Variants in GLE1 observed in about 807,000 individuals in gnomAD.
The protein encoded by GLE1 is mRNA export factor GLE1.
Under a neutral mutation model 97.3 loss-of-function variants are expected in GLE1, and 78 were observed. The ratio of observed to expected loss-of-function variants is 0.80; its 90% CI spans 0.67 to 0.97. The LOEUF (loss-of-function observed/expected upper bound fraction) is 0.97, where lower values mean the gene tolerates loss of function less well. Among genes scored for constraint, GLE1 ranks in the 50% least tolerant of loss-of-function variants. GLE1 has a pLI of 0.00. For missense variants in GLE1, 753 were observed against 857.5 expected (o/e 0.88, Z 1.52); for synonymous variants, 302 against 313.4 (o/e 0.96, Z 0.39).
intron 6 of GLE1, 88 bp from the exon 7 acceptor site, chr9:128,525,104 A>G: frequency 1.1e-6 from 1 of 942,276 alleles, no homozygotes. Context: ...TGGTGCAACA[A>G]TTCCAATTGC....
chr9:128,530,460 T>C (rs80249276), intron 9 of GLE1, among the ~76,000 whole-genome samples: 1 of 152,174 alleles, frequency 6.6e-6, no homozygotes, highest in African/African-American at 2.4e-5. Flanking sequence ...TTGCCTTTTT[T>C]AATTTTTCTA....
At chr9:128,505,302 A>T (rs1846608941) in intron 1 of GLE1, among the ~76,000 whole-genome samples, 2 of 152,098 alleles carry the variant, frequency 1.3e-5, no homozygotes, top group African/African-American at 4.8e-5. Context: ...GAAATGACCA[A>T]ATTTTTAGAT....
chr9:128,539,497 C>A, intron 13 of GLE1, 119 bp from the exon 14 acceptor site: 1 of 794,410 alleles, frequency 1.3e-6, no homozygotes, highest in Non-Finnish European at 2.2e-6. Flanking sequence ...AGTTCAGTGG[C>A]ATTGTGGTTG....
chr9:128,504,699 T>TG, upstream of GLE1: 6 of 817,490 alleles, frequency 7.3e-6, no homozygotes, highest in Middle Eastern at 9.6e-4. Flanking sequence ...GGGGCTGTGC[T>TG]GCGCGCGCGT....
rs1564162894 is a variant in GLE1, at chr9:128,542,161, C to G, written c.*991C>G. 6.6e-6 allele frequency: 1 copy of G among 152,226 alleles called. No homozygotes were observed. The highest frequency in any genetic ancestry group is 1.5e-5 in the Non-Finnish European group (1 of 68,044). The allele number at this position is 152,226 out of a possible 1,614,324, so 9.4% of individuals were successfully genotyped here. On this transcript the variant is annotated 3_prime_UTR_variant, in exon 16 of 16. Coordinates refer to ENST00000309971, the MANE Select transcript of GLE1 (RefSeq NM_001003722.2). ...GGATCTGTTCCTCTGTGCTAAATGT[C>G]TTGTGGCAGGGTGTGTTTGTGGGGG... is the stretch of plus-strand genomic sequence containing the variant.
chr9:128,516,977 A>G (rs1294898500), intron 3 of GLE1, among the ~76,000 whole-genome samples: 1 of 151,854 alleles, frequency 6.6e-6, no homozygotes, highest in Non-Finnish European at 1.5e-5. Context: ...AAAATGTTTC[A>G]GAGTACAGGA....
rs1847880728 is a variant in GLE1, at chr9:128,541,436, A to T, written c.*266A>T. ...TCTTGTTTTTTGCAAAAGTGATAAA[A>T]GGTCTTTAGCACTTGGTCTCCTCCC... On this transcript the variant is annotated 3_prime_UTR_variant, in exon 16 of 16. Coordinates refer to ENST00000309971, the MANE Select transcript of GLE1 (RefSeq NM_001003722.2). 4.0e-6 allele frequency: 2 copies of T among 496,082 alleles called. No individual in the cohort carries two copies. Among genetic ancestry groups the T allele is most frequent in the Middle Eastern group, 5.7e-4 (1 of 1,758 alleles). 30.7% of individuals were successfully genotyped at this position (496,082 alleles called of 1,614,324 possible).
At chr9:128,522,125 A>G (rs540147312) in intron 3 of GLE1, among the ~76,000 whole-genome samples, 1 of 152,318 alleles carries the variant, frequency 6.6e-6, no homozygotes, top group East Asian at 1.9e-4. Flanking sequence ...GTTTGATGTC[A>G]TGTTGCTAAA....
At chr9:128,508,839 A>G in intron 1 of GLE1, 37 bp from the exon 2 acceptor site, 1 of 1,141,260 alleles carries the variant, frequency 8.8e-7, no homozygotes, top group South Asian at 1.2e-5. Context: ...AGAACAGTTG[A>G]CGTGTAAGTT....
intron 14 of GLE1, chr9:128,539,962 AT>A: frequency 1.1e-6 from 1 of 931,918 alleles, no homozygotes; most frequent in Non-Finnish European, 1.5e-6. Flanking sequence ...AATTATGCCT[AT>A]AATTGCAGCT....
chr9:128,522,941 A>G, intron 4 of GLE1, 125 bp downstream of exon 4: 1 of 1,139,350 alleles, frequency 8.8e-7, no homozygotes, highest in Non-Finnish European at 1.3e-6. Context: ...TAAAATAGGC[A>G]GAGAATTTTA....
At chr9:128,515,299 C>T (rs778864891) in intron 2 of GLE1, among the ~76,000 whole-genome samples, 3 of 151,888 alleles carry the variant, frequency 2.0e-5, no homozygotes, top group Non-Finnish European at 4.4e-5. Context: ...ATAGAAAAAC[C>T]CAAAAAATCA....
chr9:128,538,688 G>A (rs1300514792), intron 13 of GLE1, among the ~76,000 whole-genome samples: 2 of 152,112 alleles, frequency 1.3e-5, no homozygotes, highest in East Asian at 3.9e-4. Flanking sequence ...CCCAGCTACC[G>A]AGGAGGCTGA....
intron 7 of GLE1, 113 bp from the exon 8 acceptor site, chr9:128,527,066 T>G (rs1564152456): frequency 2.8e-6 from 2 of 714,490 alleles, no homozygotes; most frequent in South Asian, 3.0e-5. Flanking sequence ...TTCATAGTTA[T>G]GGTGACAGTT....
chr9:128,536,528 C>T (rs1847716338), intron 12 of GLE1, 44 bp downstream of exon 12: 1 of 1,547,120 alleles, frequency 6.5e-7, no homozygotes, highest in Non-Finnish European at 8.9e-7. Flanking sequence ...GGTTAGACCA[C>T]AGTCCATGTG....
intron 1 of GLE1, among the ~76,000 whole-genome samples, chr9:128,505,354 G>T (rs1451119809): frequency 6.6e-6 from 1 of 152,184 alleles, no homozygotes; most frequent in Non-Finnish European, 1.5e-5. Flanking sequence ...CGTGGTCACC[G>T]TACCTAGCAT....
chr9:128,516,737 G>T (rs1473842883), intron 3 of GLE1, among the ~76,000 whole-genome samples: 1 of 151,894 alleles, frequency 6.6e-6, no homozygotes, highest in Non-Finnish European at 1.5e-5. Context: ...CAATTCTCCT[G>T]CCTGAGCCTC....
intron 3 of GLE1, among the ~76,000 whole-genome samples, chr9:128,518,665 C>T (rs893890467): frequency 1.6e-4 from 24 of 150,988 alleles, no homozygotes; most frequent in Non-Finnish European, 2.8e-4. Flanking sequence ...GTCGGGAGTT[C>T]GAGACCAGCC....
intron 6 of GLE1, 35 bp downstream of exon 6, chr9:128,523,881 T>G (rs760361386): frequency 6.2e-7 from 1 of 1,611,620 alleles, no homozygotes; most frequent in South Asian, 1.1e-5. Flanking sequence ...TTTGCTGTCT[T>G]TGAAATGGAA....
Sources: gnomAD v4.1 joint callset for allele counts (sites outside exome capture counted in the v4.1 genomes callset) on GRCh38, gnomAD v4.1.1 for gene constraint, MANE v1.5 for transcripts, NCBI Gene and HGNC (gene_info 2026-07-23, HGNC 2026-07-21) for gene names.